Variants in NALCN observed in about 807,000 individuals in gnomAD.
NALCN encodes sodium leak channel, non-selective.
A neutral mutation model predicts 225.3 loss-of-function variants in NALCN; 111 were observed. The ratio of observed to expected loss-of-function variants is 0.49; its 90% CI spans 0.42 to 0.58. The LOEUF is 0.58. NALCN is among the 20% of genes least tolerant of loss of function. NALCN has a pLI of 0.00. For synonymous variants in NALCN, 764 were observed against 769.0 expected, an observed-to-expected ratio of 0.99 and a Z score of 0.11; for missense variants, 1,378 against 2,202.4, an observed-to-expected ratio of 0.63 and a Z score of 7.49.
At chr13:101,367,748 A>T (rs921752605) in intron 6 of NALCN, among the ~76,000 whole-genome samples, 8 of 152,120 alleles carry the variant, frequency 5.3e-5, no homozygotes, top group African/African-American at 1.9e-4. Context: ...AAAAGGTGAG[A>T]TCATAAATAT....
chr13:101,248,816 T>C (rs894522554), intron 11 of NALCN, among the ~76,000 whole-genome samples: 5 of 152,190 alleles, frequency 3.3e-5, no homozygotes, highest in Non-Finnish European at 5.9e-5. Flanking sequence ...ATCAGAAGTA[T>C]AGCACTTTCC....
intron 17 of NALCN, among the ~76,000 whole-genome samples, chr13:101,124,940 T>A (rs2036162746): frequency 6.6e-6 from 1 of 152,156 alleles, no homozygotes; most frequent in African/African-American, 2.4e-5. Context: ...CTGAATAAAA[T>A]TTTCAGTTTC....
At chr13:101,159,808 C>T (rs1417560934) in intron 15 of NALCN, among the ~76,000 whole-genome samples, 1 of 151,988 alleles carries the variant, frequency 6.6e-6, no homozygotes, top group Non-Finnish European at 1.5e-5. Flanking sequence ...GGACTCGTGT[C>T]ATCAAAGAAA....
At chr13:101,082,659 A>G (rs2033717903) in intron 33 of NALCN, 150 bp downstream of exon 33, 6 of 756,340 alleles carry the variant, frequency 7.9e-6, no homozygotes, top group Admixed American at 2.3e-5. Flanking sequence ...GTTCGAGTTA[A>G]GCAGAACCGC....
Position 101,191,914 on chromosome 13 carries a change from C to T in NALCN, c.1764+3G>A. 1 of 1,607,196 alleles carries T rather than the reference C, an allele frequency of 6.2e-7. No individual in the cohort carries two copies. The highest frequency in any genetic ancestry group is 8.5e-7 in the Non-Finnish European group (1 of 1,177,172). On this transcript the variant is annotated splice_donor_region_variant and intron_variant, in intron 14 of 43. Transcript: ENST00000251127. ...ATAATTGAAAAAAAAATGCTGAACT[C>T]ACCAGAGTGGCAAAAAGATGATAGA...
chr13:101,280,879 T>C (rs1366618410), intron 10 of NALCN, among the ~76,000 whole-genome samples: 6 of 35,656 alleles, frequency 1.7e-4, no homozygotes, highest in Non-Finnish European at 2.2e-4. Flanking sequence ...ATTCTCTCTC[T>C]CTCTTTTTTT....
chr13:101,108,940 A>G (rs2035285645), intron 20 of NALCN, among the ~76,000 whole-genome samples: 1 of 152,232 alleles, frequency 6.6e-6, no homozygotes, highest in Non-Finnish European at 1.5e-5. Flanking sequence ...GCATTTTGCT[A>G]TGGAGAAGGT....
intron 6 of NALCN, among the ~76,000 whole-genome samples, chr13:101,345,798 A>C (rs2045708266): frequency 7.0e-6 from 1 of 142,396 alleles, no homozygotes; most frequent in Non-Finnish European, 1.5e-5. Flanking sequence ...AGAGAAAGAG[A>C]GACCTTGAGA....
chr13:101,075,866 T>C lies in NALCN; in HGVS notation c.3954+7A>G. ...CTTTAAGATAAGATTCTTAACAATG[T>C]ACTTACATGTTTTCCACAGATGGAG... On this transcript the variant is annotated splice_region_variant and intron_variant, in intron 35 of 43. Transcript: ENST00000251127. 6.2e-7 allele frequency: 1 copy of C among 1,603,540 alleles called. No homozygotes were observed. The highest frequency in any genetic ancestry group is 1.3e-5 in the African/African-American group (1 of 74,540).
At chr13:101,312,271 T>C (rs2044374927) in intron 7 of NALCN, among the ~76,000 whole-genome samples, 1 of 152,118 alleles carries the variant, frequency 6.6e-6, no homozygotes, top group Admixed American at 6.6e-5. Context: ...ATTAGTCTTG[T>C]TAGAGGTCTA....
In NALCN at chr13:101,144,764, T is replaced by C. The variant is rs779046867; in HGVS notation, c.1972A>G (p.Ile658Val). Reference protein sequence around the residue: ...KLPSDFTVPKIRESFMKQFID... With the variant: ...KLPSDFTVPKVRESFMKQFID... ...ATTAAAGAAGTATTTTGGTACCTGATTTTAGGAACTGTAAAATCTGAAGGA... is the reference window on the plus strand; with the variant it reads ...ATTAAAGAAGTATTTTGGTACCTGACTTTAGGAACTGTAAAATCTGAAGGA... The change falls in exon 16 of 44, where the codon ATC becomes GTC. Residue 658 changes from isoleucine (I) to valine (V), a missense_variant. By Grantham distance (29) the Ile-to-Val change is conservative (BLOSUM62 3). This residue lies in a region of NALCN where 62 missense variants were observed against 143.6 expected (regional missense o/e 0.43). Transcript: ENST00000251127. 1.2e-6 allele frequency: 2 copies of C among 1,604,788 alleles called. No individual in the cohort carries two copies. Among genetic ancestry groups the C allele is most frequent in the Admixed American group, 3.5e-5 (2 of 57,920 alleles).
intron 33 of NALCN, among the ~76,000 whole-genome samples, chr13:101,082,091 T>G (rs909778663): frequency 7.9e-5 from 12 of 152,292 alleles, no homozygotes; most frequent in African/African-American, 2.6e-4. Flanking sequence ...TTGGCCAGGC[T>G]GGTCTCAAAC....
intron 13 of NALCN, among the ~76,000 whole-genome samples, chr13:101,205,870 A>G (rs951303309): frequency 7.9e-5 from 12 of 152,124 alleles, no homozygotes; most frequent in Admixed American, 3.3e-4. Context: ...TGTATGCCCC[A>G]TTGTTAAATG....
At position 101,254,604 on chromosome 13, in the gene NALCN, A is replaced by G. The variant is rs1258062674; in HGVS notation, c.1266+3839T>C. ...TTTGCCGCTTTGTTAAGAATGAATG[A>G]CATGTGGCCGGGCGCGGTGGCTCAC... On this transcript the variant is annotated intron_variant, in intron 11 of 43. Transcript: ENST00000251127. 3.0e-5 allele frequency among the ~76,000 whole-genome samples: 4 copies of G among 133,672 alleles called. 1 individual carries two copies. The highest frequency in any genetic ancestry group is 5.2e-5 in the Non-Finnish European group (3 of 57,346). 87.7% of individuals were successfully genotyped at this position (133,672 alleles called of 152,430 possible).
At chr13:101,304,292 G>A (rs1325105376) in intron 7 of NALCN, among the ~76,000 whole-genome samples, 1 of 151,526 alleles carries the variant, frequency 6.6e-6, no homozygotes, top group East Asian at 1.9e-4. Flanking sequence ...TTAAGTTCTG[G>A]GATACATGTG....
At chr13:101,139,417 T>C (rs190008794) in intron 17 of NALCN, among the ~76,000 whole-genome samples, 26 of 152,326 alleles carry the variant, frequency 1.7e-4, no homozygotes, top group African/African-American at 6.0e-4. Flanking sequence ...GGTGATTCCC[T>C]CTAGCATAGT....
In NALCN at chr13:101,099,292, C is replaced by A. The variant is rs111889806; in HGVS notation, c.3162+1492G>T. Among the ~76,000 whole-genome samples, 130 of 152,172 alleles carry A rather than the reference C, an allele frequency of 8.5e-4. 1 individual carries two copies. Among genetic ancestry groups the A allele is most frequent in the Middle Eastern group, 6.8e-3 (2 of 294 alleles). On this transcript the variant is annotated intron_variant, in intron 27 of 43. Coordinates refer to ENST00000251127, the MANE Select transcript of NALCN (RefSeq NM_052867.4). ...CTGTCTTCTCAGGTGTATCAAAGCTCTTGGAATGTCTCTCCCAGTCTGGCC... is the reference window on the plus strand; with the variant it reads ...CTGTCTTCTCAGGTGTATCAAAGCTATTGGAATGTCTCTCCCAGTCTGGCC...
At chr13:101,074,434 C>CA in intron 36 of NALCN, 80 bp downstream of exon 36, 1 of 1,341,570 alleles carries the variant, frequency 7.5e-7, no homozygotes, top group Non-Finnish European at 9.8e-7. Context: ...CTTTAATAGA[C>CA]AAAAAACATT....
chr13:101,397,772 G>T (rs1046388209), intron 2 of NALCN, among the ~76,000 whole-genome samples: 2 of 151,920 alleles, frequency 1.3e-5, no homozygotes, highest in Admixed American at 1.3e-4. Context: ...TAAAAATACA[G>T]TTATTTATAG....
Sources: gnomAD v4.1 joint callset for allele counts (sites outside exome capture counted in the v4.1 genomes callset) on GRCh38, gnomAD v4.1.1 for gene constraint, gnomAD v4.1.1 regional missense constraint, MANE v1.5 for transcripts, NCBI Gene and HGNC (gene_info 2026-07-23, HGNC 2026-07-21) for gene names.